TFCP2L1: variants seen among roughly 807,000 people sequenced by gnomAD.
TFCP2L1 encodes transcription factor CP2-like protein 1.
In TFCP2L1, 12 loss-of-function variants were observed where a neutral mutation model predicts 72.2. The ratio of observed to expected loss-of-function variants is 0.17; its 90% CI spans 0.11 to 0.27. TFCP2L1 has a LOEUF of 0.27. TFCP2L1 is among the 10% of genes least tolerant of loss of function. The pLI is 1.00. For missense variants in TFCP2L1, 488 were observed against 624.6 expected (o/e 0.78, Z 2.33); for synonymous variants, 260 against 251.0 (o/e 1.04, Z -0.34).
intron 13 of TFCP2L1, among the ~76,000 whole-genome samples, chr2:121,227,339 T>C (rs1686049713): frequency 6.6e-6 from 1 of 152,318 alleles, no homozygotes; most frequent in South Asian, 2.1e-4. Flanking sequence ...ACAAATTTTT[T>C]CCATATTTAT....
intron 12 of TFCP2L1, among the ~76,000 whole-genome samples, chr2:121,232,378 A>T (rs1298078706): frequency 6.6e-6 from 1 of 152,012 alleles, no homozygotes; most frequent in Non-Finnish European, 1.5e-5. Context: ...ACCTCAGGTG[A>T]TCCGCTCGCC....
chr2:121,268,230 C>T (rs1029678951), intron 2 of TFCP2L1, among the ~76,000 whole-genome samples: 2 of 152,190 alleles, frequency 1.3e-5, no homozygotes, highest in Non-Finnish European at 2.9e-5. Context: ...TTTTGGAAAG[C>T]GTTTGTTCTT....
At position 121,223,996 on chromosome 2, in the gene TFCP2L1, A is replaced by C. The variant is rs1174547826; in HGVS notation, c.*345T>G. ...AGAAGGGACCAATACAGGCAGCACC[A>C]AGATACCCAATCAGCTTCCAACTAA... On this transcript the variant is annotated 3_prime_UTR_variant, in exon 15 of 15. Transcript: ENST00000263707. 3.0e-6 allele frequency: 1 copy of C among 336,408 alleles called. No individual in the cohort carries two copies. The highest frequency in any genetic ancestry group is 5.5e-6 in the Non-Finnish European group (1 of 180,394). 20.8% of individuals were successfully genotyped at this position (336,408 alleles called of 1,614,324 possible). A position where few individuals can be genotyped will look rare whatever the true frequency, so the allele number is the denominator to read the frequency against.
At chr2:121,269,709 G>A (rs1361777603) in intron 2 of TFCP2L1, among the ~76,000 whole-genome samples, 1 of 151,962 alleles carries the variant, frequency 6.6e-6, no homozygotes, top group Non-Finnish European at 1.5e-5. Context: ...AGGAGTTCGA[G>A]ACCAGCCTGG....
chr2:121,271,128 T>A (rs1299621927), intron 2 of TFCP2L1, among the ~76,000 whole-genome samples: 1 of 151,118 alleles, frequency 6.6e-6, no homozygotes, highest in Non-Finnish European at 1.5e-5. Context: ...AGGAAAAGAT[T>A]GCAGTGAGCC....
intron 13 of TFCP2L1, among the ~76,000 whole-genome samples, chr2:121,229,318 T>C (rs1321265854): frequency 6.6e-6 from 1 of 152,166 alleles, no homozygotes; most frequent in East Asian, 1.9e-4. Context: ...ACAGAAACTA[T>C]TCCAGGAGAA....
chr2:121,232,112 GTTTTGTTTT>G (rs1686157628), intron 12 of TFCP2L1, 144 bp from the exon 13 acceptor site: 34 of 75,600 alleles, frequency 4.5e-4, no homozygotes, highest in South Asian at 4.0e-3. Context: ...CACTCTTTTT[GTTTTGTTTT>G]GTTTTGTTTT....
intron 2 of TFCP2L1, among the ~76,000 whole-genome samples, chr2:121,256,349 C>T (rs1558739199): frequency 6.6e-6 from 1 of 152,136 alleles, no homozygotes; most frequent in African/African-American, 2.4e-5. Context: ...ACGAGGAGCC[C>T]AGACGAGACT....
intron 2 of TFCP2L1, among the ~76,000 whole-genome samples, chr2:121,264,876 T>TC (rs1257828535): frequency 6.6e-6 from 1 of 152,170 alleles, no homozygotes; most frequent in African/African-American, 2.4e-5. Context: ...GCTGGATCCC[T>TC]CCTGTATTGC....
chr2:121,225,025 A>G (rs1260923049), intron 14 of TFCP2L1, among the ~76,000 whole-genome samples: 1 of 151,236 alleles, frequency 6.6e-6, no homozygotes, highest in African/African-American at 2.4e-5. Flanking sequence ...GATCCACGGG[A>G]CAAGGTGGGA....
At chr2:121,254,383 C>A (rs553625469) in intron 2 of TFCP2L1, among the ~76,000 whole-genome samples, 1 of 152,188 alleles carries the variant, frequency 6.6e-6, no homozygotes, top group Admixed American at 6.5e-5. Flanking sequence ...GTATCCAGGA[C>A]GAGGCGGGGA....
In TFCP2L1 at chr2:121,237,669, G is replaced by A. The variant is rs1367351314; in HGVS notation, c.957C>T (p.His319=). The change falls in exon 10 of 15, where the codon CAC becomes CAT. Residue 319 remains histidine (H), a synonymous_variant. Coordinates refer to ENST00000263707, the MANE Select transcript of TFCP2L1 (RefSeq NM_014553.3). ...GGCAGAACTGCGAGAACCTGTTGCG[G>A]TGAAGCCACTGCTGGGCATCCTGGA... ...ASIQDAQQWL[H]RNRFSQFCRL... 1 of 1,614,098 alleles carries A rather than the reference G, an allele frequency of 6.2e-7. No homozygotes were observed. The highest frequency in any genetic ancestry group is 1.3e-5 in the African/African-American group (1 of 74,948).
intron 1 of TFCP2L1, among the ~76,000 whole-genome samples, chr2:121,281,742 C>T (rs1336126931): frequency 6.6e-6 from 1 of 152,176 alleles, no homozygotes; most frequent in Admixed American, 6.6e-5. Flanking sequence ...CTCTGTCCTC[C>T]AGGCTCTGTA....
chr2:121,225,702 C>T lies in TFCP2L1; in HGVS notation c.1342-89G>A, dbSNP rs1046459172. ...GGCAGAGCCTAGCCATGCGCAGCTGCAGAAACACCACTGCCAAGCCACTGC... is the reference window on the plus strand; with the variant it reads ...GGCAGAGCCTAGCCATGCGCAGCTGTAGAAACACCACTGCCAAGCCACTGC... On this transcript the variant is annotated intron_variant, in intron 13 of 14. Coordinates refer to ENST00000263707, the MANE Select transcript of TFCP2L1 (RefSeq NM_014553.3). 9.0e-5 allele frequency: 127 copies of T among 1,414,318 alleles called. 1 individual carries two copies. In the African/African-American group the frequency reaches 1.4e-3, roughly 16 times the overall value. The allele number at this position is 1,414,318 out of a possible 1,614,324, so 87.6% of individuals were successfully genotyped here.
At chr2:121,241,728 C>T (rs980084483) in intron 7 of TFCP2L1, among the ~76,000 whole-genome samples, 1 of 152,134 alleles carries the variant, frequency 6.6e-6, no homozygotes, top group Non-Finnish European at 1.5e-5. Flanking sequence ...ATTCACTGCA[C>T]CACTGTCTGA....
At chr2:121,245,990 A>G (rs969804722) in intron 6 of TFCP2L1, among the ~76,000 whole-genome samples, 1 of 152,226 alleles carries the variant, frequency 6.6e-6, no homozygotes, top group Non-Finnish European at 1.5e-5. Context: ...AACAAGAGGA[A>G]GATGGAATGA....
At chr2:121,225,722 C>T (rs996063290) in intron 13 of TFCP2L1, 109 bp from the exon 14 acceptor site, 10 of 1,176,880 alleles carry the variant, frequency 8.5e-6, no homozygotes, top group Non-Finnish European at 1.3e-5. Context: ...ACTGCCAAGC[C>T]ACTGCCACGG....
chr2:121,269,947 T>G (rs1348335063), intron 2 of TFCP2L1, among the ~76,000 whole-genome samples: 1 of 129,256 alleles, frequency 7.7e-6, no homozygotes, highest in African/African-American at 3.3e-5. Context: ...GCAAAAGAAA[T>G]AAACTAATTT....
intron 4 of TFCP2L1, 151 bp downstream of exon 4, chr2:121,248,831 G>A: frequency 2.0e-6 from 1 of 505,140 alleles, no homozygotes; most frequent in Admixed American, 3.9e-5. Flanking sequence ...CCCAGTGTAT[G>A]GTCAGCTCTG....
Sources: gnomAD v4.1 joint callset for allele counts (sites outside exome capture counted in the v4.1 genomes callset) on GRCh38, gnomAD v4.1.1 for gene constraint, MANE v1.5 for transcripts, NCBI Gene and HGNC (gene_info 2026-07-23, HGNC 2026-07-21) for gene names.